COMMD1: variants seen among roughly 807,000 people sequenced by gnomAD.
COMMD1 encodes the protein copper metabolism domain containing 1.
COMMD1 carries 10 observed loss-of-function variants against 17.2 expected under a neutral mutation model. The ratio of observed to expected loss-of-function variants is 0.58; its 90% CI spans 0.36 to 0.99. COMMD1 has a LOEUF of 0.99. Among genes scored for constraint, COMMD1 ranks in the 50% least tolerant of loss-of-function variants. The probability of loss-of-function intolerance (pLI) is 0.01; values close to 1 mark genes in which losing one functional copy is unlikely to be tolerated. For synonymous variants in COMMD1, 97 were observed against 91.6 expected (o/e 1.06, Z -0.34); for missense variants, 270 against 231.8 (o/e 1.17, Z -1.07).
intron 1 of COMMD1, among the ~76,000 whole-genome samples, chr2:61,889,295 C>G (rs1669356308): frequency 1.3e-5 from 2 of 148,456 alleles, no homozygotes; most frequent in Admixed American, 6.9e-5. Context: ...CAGCCTCGAC[C>G]TCCGGGGCCC....
At chr2:61,899,750 C>T (rs1267107820) in intron 1 of COMMD1, among the ~76,000 whole-genome samples, 5 of 152,190 alleles carry the variant, frequency 3.3e-5, no homozygotes, top group African/African-American at 1.2e-4. Flanking sequence ...TCCCAGCTCA[C>T]TGCAACCTCA....
chr2:61,899,128 G>A (rs575990711), intron 1 of COMMD1, among the ~76,000 whole-genome samples: 3 of 152,174 alleles, frequency 2.0e-5, no homozygotes, highest in Non-Finnish European at 2.9e-5. Flanking sequence ...TGCCACTTTG[G>A]CATAAGGATT....
intron 2 of COMMD1, among the ~76,000 whole-genome samples, chr2:62,128,275 C>T (rs1253198524): frequency 6.6e-6 from 1 of 150,978 alleles, no homozygotes; most frequent in Admixed American, 6.6e-5. Flanking sequence ...TTGCTGTGAG[C>T]TGAGATGGCA....
chr2:62,084,518 G>T (rs1227242032), intron 2 of COMMD1, among the ~76,000 whole-genome samples: 1 of 152,090 alleles, frequency 6.6e-6, no homozygotes, highest in African/African-American at 2.4e-5. Flanking sequence ...GCTGTTGTAG[G>T]GGTGGCAGAG....
chr2:61,929,504 A>T (rs1670410205), intron 1 of COMMD1, among the ~76,000 whole-genome samples: 1 of 152,202 alleles, frequency 6.6e-6, no homozygotes, highest in South Asian at 2.1e-4. Flanking sequence ...TATTACCATT[A>T]TATCATACTC....
At chr2:61,985,195 C>T (rs184450935) in intron 1 of COMMD1, among the ~76,000 whole-genome samples, 7,809 of 152,030 alleles carry the variant, frequency 0.051, 690 homozygotes, top group African/African-American at 0.18. Flanking sequence ...GGACTACAGG[C>T]GCCCACCACC....
intron 1 of COMMD1, among the ~76,000 whole-genome samples, chr2:61,917,151 T>C (rs1277216082): frequency 6.6e-6 from 1 of 151,940 alleles, no homozygotes; most frequent in African/African-American, 2.4e-5. Flanking sequence ...GTCAGGAGTT[T>C]GAGACCAGCC....
chr2:61,968,330 T>C (rs1196719438), intron 1 of COMMD1, among the ~76,000 whole-genome samples: 1 of 152,192 alleles, frequency 6.6e-6, no homozygotes, highest in African/African-American at 2.4e-5. Flanking sequence ...TATAGCAATA[T>C]GGAATGTAAT....
intron 2 of COMMD1, among the ~76,000 whole-genome samples, chr2:62,130,167 AAAC>A (rs1262370579): frequency 5.9e-4 from 90 of 151,602 alleles, no homozygotes; most frequent in African/African-American, 1.9e-3. Context: ...AAAAAAAAAA[AAAC>A]AAACAAAAAA....
chr2:61,987,579 G>A (rs138329964), intron 1 of COMMD1, among the ~76,000 whole-genome samples: 133 of 152,264 alleles, frequency 8.7e-4, no homozygotes, highest in African/African-American at 2.9e-3. Context: ...CTGAGGGACG[G>A]GTGACACAAG....
chr2:61,998,465 G>T (rs1668832149), intron 1 of COMMD1, among the ~76,000 whole-genome samples: 1 of 152,040 alleles, frequency 6.6e-6, no homozygotes, highest in Non-Finnish European at 1.5e-5. Context: ...TCACCATGTT[G>T]TCCAGGCTGG....
chr2:61,989,312 G>T (rs1009480823), intron 1 of COMMD1, among the ~76,000 whole-genome samples: 24 of 152,074 alleles, frequency 1.6e-4, no homozygotes, highest in Non-Finnish European at 3.2e-4. Flanking sequence ...TAGGGTTCAC[G>T]CTTGATATTG....
At chr2:61,892,642 C>T (rs546433864) in intron 1 of COMMD1, among the ~76,000 whole-genome samples, 6 of 147,458 alleles carry the variant, frequency 4.1e-5, no homozygotes, top group East Asian at 2.0e-4. Flanking sequence ...TGCGGTGAGC[C>T]GAGATCGTGC....
intron 2 of COMMD1, among the ~76,000 whole-genome samples, chr2:62,077,114 G>A (rs1339318330): frequency 1.3e-5 from 2 of 152,102 alleles, no homozygotes; most frequent in African/African-American, 2.4e-5. Flanking sequence ...CTGGGTGACC[G>A]AGTGAGACCC....
chr2:61,941,850 A>G (rs1670756760), intron 1 of COMMD1, among the ~76,000 whole-genome samples: 1 of 152,160 alleles, frequency 6.6e-6, no homozygotes, highest in Non-Finnish European at 1.5e-5. Context: ...GATGATACCA[A>G]TCTATGAAAC....
At chr2:61,936,099 C>G (rs990224760) in intron 1 of COMMD1, among the ~76,000 whole-genome samples, 25 of 152,074 alleles carry the variant, frequency 1.6e-4, no homozygotes, top group African/African-American at 5.8e-4. Context: ...ACACCATGCC[C>G]GGCCCAGCCC....
At chr2:61,935,347 G>A (rs1006640734) in intron 1 of COMMD1, among the ~76,000 whole-genome samples, 1 of 152,212 alleles carries the variant, frequency 6.6e-6, no homozygotes, top group African/African-American at 2.4e-5. Context: ...TAAAATTTCT[G>A]GCTGGACGTG....
rs553683772 is a variant in COMMD1 at position 61,972,698 on chromosome 2, G to A, written c.181-28003G>A. ...GGCAAACATCAGGCAAATCTCAACT[G>A]AGGGACCTTCTACAAAATACCTGGT... is the stretch of plus-strand genomic sequence containing the variant. On this transcript the variant is annotated intron_variant, in intron 1 of 2. Transcript: ENST00000311832. Among the ~76,000 whole-genome samples the A allele has an allele frequency of 1.4e-4, 21 of 152,306 alleles. 1 individual carries two copies. In the South Asian group the frequency reaches 2.3e-3, roughly 17 times the overall value.
At chr2:61,936,654 G>T (rs1670614250) in intron 1 of COMMD1, among the ~76,000 whole-genome samples, 1 of 152,126 alleles carries the variant, frequency 6.6e-6, no homozygotes, top group Admixed American at 6.5e-5. Flanking sequence ...GGATGGTCTT[G>T]AACTCCTGGG....
Sources: allele counts gnomAD v4.1 joint callset (sites outside exome capture counted in the v4.1 genomes callset), GRCh38; gene constraint gnomAD v4.1.1; transcripts MANE v1.5; gene names NCBI Gene and HGNC (gene_info 2026-07-23, HGNC 2026-07-21).